Variants in RIMS2 observed in about 807,000 individuals in gnomAD.
RIMS2 encodes the protein regulating synaptic membrane exocytosis 2.
A neutral mutation model predicts 174.4 loss-of-function variants in RIMS2; 59 were observed. The observed-to-expected ratio is 0.34, with a 90% CI of 0.27 to 0.42. The LOEUF (loss-of-function observed/expected upper bound fraction) is 0.42. Among genes scored for constraint, RIMS2 ranks in the 10% least tolerant of loss-of-function variants. The pLI, the probability that RIMS2 is intolerant of heterozygous loss-of-function variation, is 1.00. For synonymous variants in RIMS2, 606 were observed against 572.5 expected (o/e 1.06, Z -0.84); for missense variants, 1,620 against 1,666.3 (o/e 0.97, Z 0.48).
chr8:103,763,318 C>G (rs2098132381), intron 2 of RIMS2, among the ~76,000 whole-genome samples: 2 of 152,022 alleles, frequency 1.3e-5, no homozygotes, highest in African/African-American at 4.8e-5. Context: ...TGCCCATACT[C>G]CCAGCTACTT....
chr8:104,228,270 A>T (rs1004719880), intron 19 of RIMS2, among the ~76,000 whole-genome samples: 1 of 151,858 alleles, frequency 6.6e-6, no homozygotes, highest in Non-Finnish European at 1.5e-5. Context: ...CCTCGTGATC[A>T]GCCCGCCTCG....
intron 3 of RIMS2, among the ~76,000 whole-genome samples, chr8:103,807,317 A>G (rs1188775982): frequency 6.6e-6 from 1 of 152,208 alleles, no homozygotes; most frequent in Non-Finnish European, 1.5e-5. Context: ...CAAATGATAC[A>G]GATAAGTCAT....
intron 19 of RIMS2, among the ~76,000 whole-genome samples, chr8:104,049,061 C>A (rs1391031326): frequency 6.6e-6 from 1 of 151,210 alleles, no homozygotes; most frequent in Non-Finnish European, 1.5e-5. Context: ...CGGACTATAG[C>A]TTGGACACTT....
chr8:103,812,331 G>GTTTTTTTTTT (rs71575985), intron 3 of RIMS2, among the ~76,000 whole-genome samples: 95 of 111,572 alleles, frequency 8.5e-4, no homozygotes, highest in East Asian at 1.3e-3. Flanking sequence ...TTATTACCTT[G>GTTTTTTTTTT]TTTTTTTTTT....
intron 19 of RIMS2, among the ~76,000 whole-genome samples, chr8:104,166,327 A>G: frequency 6.6e-6 from 1 of 151,862 alleles, no homozygotes; most frequent in Non-Finnish European, 1.5e-5. Context: ...CTGCCTCCCA[A>G]AGTGCTGGGA....
downstream of RIMS2, chr8:104,253,136 T>C (rs2099362944): frequency 6.6e-6 from 1 of 152,236 alleles, no homozygotes; most frequent in Non-Finnish European, 1.5e-5. Context: ...TGCATGGTAA[T>C]TTTTTCACCT....
chr8:104,220,818 G>A (rs574442728), intron 19 of RIMS2, among the ~76,000 whole-genome samples: 2 of 152,140 alleles, frequency 1.3e-5, no homozygotes, highest in Admixed American at 1.3e-4. Context: ...TGTTGCCCAG[G>A]CTGGTCTCGA....
intron 1 of RIMS2, among the ~76,000 whole-genome samples, chr8:103,593,820 C>A (rs1424618283): frequency 6.6e-6 from 1 of 150,568 alleles, no homozygotes; most frequent in Non-Finnish European, 1.5e-5. Context: ...AATTAAAAAT[C>A]AATTTAAAAA....
chr8:103,915,613 T>C lies in RIMS2; in HGVS notation c.1912+19T>C, dbSNP rs2076501317. 1.6e-6 allele frequency: 2 copies of C among 1,281,990 alleles called. No homozygotes were observed. The highest frequency in any genetic ancestry group is 1.1e-6 in the Non-Finnish European group (1 of 889,736). The allele number at this position is 1,281,990 out of a possible 1,614,324, so 79.4% of individuals were successfully genotyped here. A position where few individuals can be genotyped will look rare whatever the true frequency, so the allele number is the denominator to read the frequency against. ...AGACCAGGTAGGGTTTTACCTTTGA[T>C]TATTTACATTTAAACCATTCAACTT... On this transcript the variant is annotated intron_variant, in intron 7 of 23. Transcript: ENST00000504942.
chr8:103,916,466 G>A, exon 8 of RIMS2: 1 of 1,610,174 alleles, frequency 6.2e-7, no homozygotes, highest in Non-Finnish European at 8.5e-7. Flanking sequence ...CCACATTTGA[G>A]GAAGTGTACA....
At chr8:103,843,709 C>A (rs1554880243) in intron 3 of RIMS2, among the ~76,000 whole-genome samples, 1 of 152,088 alleles carries the variant, frequency 6.6e-6, no homozygotes, top group Non-Finnish European at 1.5e-5. Context: ...TGAAGACTAC[C>A]TTATTATTTC....
At chr8:103,869,867 G>T (rs76493238) in intron 3 of RIMS2, among the ~76,000 whole-genome samples, 4,715 of 152,234 alleles carry the variant, frequency 0.031, 221 homozygotes, top group African/African-American at 0.1. Flanking sequence ...AACAGTGGTA[G>T]AGTTGTTACT....
At chr8:103,627,865 A>G (rs1459698205) in intron 1 of RIMS2, among the ~76,000 whole-genome samples, 1 of 152,192 alleles carries the variant, frequency 6.6e-6, no homozygotes, top group Non-Finnish European at 1.5e-5. Flanking sequence ...TTAAATTTAG[A>G]TGAAGCATAC....
At chr8:104,064,195 AT>A (rs1471303996) in intron 19 of RIMS2, among the ~76,000 whole-genome samples, 3 of 152,288 alleles carry the variant, frequency 2.0e-5, no homozygotes, top group Admixed American at 1.3e-4. Flanking sequence ...TATAGAATTA[AT>A]TTTTTATTTA....
At chr8:103,531,925 A>G (rs938718815) in intron 1 of RIMS2, among the ~76,000 whole-genome samples, 1 of 152,224 alleles carries the variant, frequency 6.6e-6, no homozygotes. Flanking sequence ...ACATAATGAC[A>G]AGAAAAATAA....
chr8:103,540,281 G>A (rs973906775), intron 1 of RIMS2, among the ~76,000 whole-genome samples: 5 of 152,166 alleles, frequency 3.3e-5, no homozygotes, highest in African/African-American at 9.7e-5. Context: ...CAACTTCCTC[G>A]GTGGGAGAAA....
At chr8:104,136,432 C>T (rs1377677968) in intron 19 of RIMS2, among the ~76,000 whole-genome samples, 3 of 152,060 alleles carry the variant, frequency 2.0e-5, no homozygotes, top group Non-Finnish European at 2.9e-5. Flanking sequence ...AATTTATTCA[C>T]GTGGATTGTG....
chr8:104,179,150 G>T (rs1228520539), intron 19 of RIMS2, among the ~76,000 whole-genome samples: 2 of 151,914 alleles, frequency 1.3e-5, no homozygotes, highest in South Asian at 2.1e-4. Flanking sequence ...TAGGGAGCCT[G>T]GGCATAACAA....
chr8:103,599,512 C>T (rs947226548), intron 1 of RIMS2, among the ~76,000 whole-genome samples: 1 of 151,212 alleles, frequency 6.6e-6, no homozygotes, highest in Non-Finnish European at 1.5e-5. Flanking sequence ...GATCTCTGCT[C>T]AATGCAACCC....
Sources: allele counts gnomAD v4.1 joint callset (sites outside exome capture counted in the v4.1 genomes callset), GRCh38; gene constraint gnomAD v4.1.1; transcripts MANE v1.5; gene names NCBI Gene and HGNC (gene_info 2026-07-23, HGNC 2026-07-21).